CACNA1S: variants seen among roughly 807,000 people sequenced by gnomAD.
CACNA1S encodes the protein voltage-dependent L-type calcium channel subunit alpha-1S.
In CACNA1S, 126 loss-of-function variants were observed where a neutral mutation model predicts 207.4. The ratio of observed to expected loss-of-function variants is 0.61; its 90% confidence interval spans 0.53 to 0.70. CACNA1S has a LOEUF of 0.70. Ranked by LOEUF, CACNA1S falls within the 30% of genes least tolerant of loss-of-function variation. The pLI is 0.00. For synonymous variants in CACNA1S, 960 were observed against 932.7 expected (o/e 1.03, Z -0.53); for missense variants, 2,349 against 2,422.8 (o/e 0.97, Z 0.64).
chr1:201,063,820 G>C (rs1448045533), intron 22 of CACNA1S, among the ~76,000 whole-genome samples: 1 of 152,204 alleles, frequency 6.6e-6, no homozygotes, highest in African/African-American at 2.4e-5. Context: ...GGTGGTACTG[G>C]GGGTAAGCAG....
At chr1:201,084,842 G>T in intron 9 of CACNA1S, 108 bp downstream of exon 9, 1 of 819,702 alleles carries the variant, frequency 1.2e-6, no homozygotes, top group Admixed American at 1.9e-5. Flanking sequence ...CTTTCTAAAG[G>T]ATTAGACAAG....
chr1:201,081,293 C>T (rs1207111441), intron 10 of CACNA1S, among the ~76,000 whole-genome samples: 1 of 152,244 alleles, frequency 6.6e-6, no homozygotes. Context: ...TGGGTCACTT[C>T]TTTGTTTCTG....
In CACNA1S at chr1:201,069,463, G is replaced by T. The variant is rs946524924; in HGVS notation, c.2490+9C>A. 2 of 1,606,094 alleles carry T rather than the reference G, an allele frequency of 1.2e-6. No individual in the cohort carries two copies. Among genetic ancestry groups the T allele is most frequent in the Non-Finnish European group, 1.7e-6 (2 of 1,177,434 alleles). On this transcript the variant is annotated intron_variant, in intron 18 of 43. Coordinates refer to ENST00000362061, the MANE Select transcript of CACNA1S (RefSeq NM_000069.3). ...GGTGCTGAGTGGCAGAGAGGGTGAA[G>T]CCCGTCACCTGATTTCTCATGGAAT...
At chr1:201,075,056 C>T (rs1322008143) in intron 13 of CACNA1S, among the ~76,000 whole-genome samples, 4 of 152,178 alleles carry the variant, frequency 2.6e-5, no homozygotes, top group Non-Finnish European at 5.9e-5. Context: ...CTCATATCTG[C>T]TCCTCTCATC....
At chr1:201,081,018 C>T (rs1661822004) in intron 10 of CACNA1S, among the ~76,000 whole-genome samples, 1 of 152,142 alleles carries the variant, frequency 6.6e-6, no homozygotes, top group Non-Finnish European at 1.5e-5. Flanking sequence ...AGACATTTTT[C>T]CTTTCTCCCA....
chr1:201,083,251 T>TA lies in CACNA1S; in HGVS notation c.1303dup (p.Tyr435LeufsTer44). ...GGCAACGATGAGAATCACCAGCCAATAGAAGACCTTGGACTTCACGATGTC... is the reference window on the plus strand; with the variant it reads ...GGCAACGATGAGAATCACCAGCCAATAAGAAGACCTTGGACTTCACGATGTC... On this transcript the variant is annotated frameshift_variant, in exon 10 of 44. Transcript: ENST00000362061. LOFTEE classifies it high-confidence loss of function. 1.2e-6 allele frequency: 2 copies of TA among 1,614,152 alleles called. No individual in the cohort carries two copies. Among genetic ancestry groups the TA allele is most frequent in the Non-Finnish European group, 1.7e-6 (2 of 1,180,018 alleles).
rs200689828 is a variant in CACNA1S at position 201,084,988 on chromosome 1, C to T, written c.1194G>A (p.Leu398=). ...TTTTGTTCAAGCCTGCAATTTCATA[C>T]AGGCTCTCTGTGTCAGAGCCACCTT... ...LDEGGSDTES[L]YEIAGLNKII... is the part of the protein sequence containing the mutation. Residue 398 remains leucine, a synonymous_variant, in exon 9 of 44, where the codon CTG becomes CTA. Coordinates refer to ENST00000362061, the MANE Select transcript of CACNA1S (RefSeq NM_000069.3). 8 of 1,612,834 alleles carry T rather than the reference C, an allele frequency of 5.0e-6. No individual in the cohort carries two copies. Among genetic ancestry groups the T allele is most frequent in the East Asian group, 2.2e-5 (1 of 44,876 alleles).
At chr1:201,062,180 A>G in intron 23 of CACNA1S, 90 bp from the exon 24 acceptor site, 1 of 1,493,768 alleles carries the variant, frequency 6.7e-7, no homozygotes, top group Non-Finnish European at 9.2e-7. Context: ...GGGAGTGTGA[A>G]GGAGAAATGA....
Position 201,066,662 on chromosome 1 carries a change from C to T in CACNA1S, c.2657+225G>A, listed in dbSNP as rs962778584. Reference sequence around the variant, plus strand: ...GGAGGGAGGGACCACTTCCTCCTCTCTGCATCTCCTGCCAGTCTCTAGAAC... The same window carrying T: ...GGAGGGAGGGACCACTTCCTCCTCTTTGCATCTCCTGCCAGTCTCTAGAAC... On this transcript the variant is annotated intron_variant, in intron 20 of 43. Transcript: ENST00000362061. This position sits in a 1 kb window ranked among gnomAD's most constrained non-coding sequence, Gnocchi z 4.3. Among the ~76,000 whole-genome samples the T allele has an allele frequency of 6.6e-6, 1 of 152,204 alleles. No individual in the cohort carries two copies. Among genetic ancestry groups the T allele is most frequent in the African/African-American group, 2.4e-5 (1 of 41,452 alleles).
In CACNA1S at chr1:201,089,356, G is replaced by A. The variant is rs749517573; in HGVS notation, c.802C>T (p.Pro268Ser). 7 of 1,614,236 alleles carry A rather than the reference G, an allele frequency of 4.3e-6. No individual in the cohort carries two copies. In the South Asian group the frequency reaches 4.4e-5, roughly 10 times the overall value. Reference sequence around the variant, plus strand: ...TCGAAGTGGGTGATGCCATGGTTGGGCCCTGGCCAGCCGCCCCGGCACTCA... The same window carrying A: ...TCGAAGTGGGTGATGCCATGGTTGGACCCTGGCCAGCCGCCCCGGCACTCA... ...GSECRGGWPG[P>S]NHGITHFDNF... is the part of the protein sequence containing the mutation. The change falls in exon 6 of 44, where the codon CCC (proline) becomes TCC (serine). Residue 268 changes from proline (P) to serine (S), a missense_variant. Transcript: ENST00000362061.
At chr1:201,058,360 A>T in intron 28 of CACNA1S, 48 bp downstream of exon 28, 1 of 1,495,104 alleles carries the variant, frequency 6.7e-7, no homozygotes, top group Non-Finnish European at 9.3e-7. Flanking sequence ...GATTGAACAC[A>T]TGCTCTTGGG....
intron 26 of CACNA1S, among the ~76,000 whole-genome samples, chr1:201,060,304 G>C (rs955825636): frequency 6.6e-6 from 1 of 152,012 alleles, no homozygotes; most frequent in African/African-American, 2.4e-5. Context: ...CATTTTTCTT[G>C]GGACCAGAGC....
chr1:201,083,370 C>T (rs1464459368), intron 9 of CACNA1S, 48 bp from the exon 10 acceptor site: 3 of 1,594,874 alleles, frequency 1.9e-6, no homozygotes, highest in Non-Finnish European at 2.6e-6. Context: ...CTGTTCTACG[C>T]CCCACCTGTC....
intron 2 of CACNA1S, among the ~76,000 whole-genome samples, chr1:201,107,119 G>A (rs1662923310): frequency 6.6e-6 from 1 of 152,250 alleles, no homozygotes; most frequent in Admixed American, 6.5e-5. Flanking sequence ...AGCTTGAGGT[G>A]CATGTGCCAT....
intron 3 of CACNA1S, among the ~76,000 whole-genome samples, chr1:201,092,351 GT>G (rs939663966): frequency 6.6e-6 from 1 of 152,178 alleles, no homozygotes; most frequent in African/African-American, 2.4e-5. Context: ...TGCTCCACTT[GT>G]GAGGTCTACT....
At chr1:201,073,457 A>G in intron 15 of CACNA1S, 92 bp downstream of exon 15, 1 of 1,065,324 alleles carries the variant, frequency 9.4e-7, no homozygotes, top group Non-Finnish European at 1.5e-6. Flanking sequence ...CTACCTCCCC[A>G]CCCTACCCCA....
At chr1:201,081,877 T>C (rs1318223520) in intron 10 of CACNA1S, among the ~76,000 whole-genome samples, 1 of 152,208 alleles carries the variant, frequency 6.6e-6, no homozygotes, top group African/African-American at 2.4e-5. Context: ...CCATGTGACA[T>C]GCCTGCCCTC....
At chr1:201,078,839 T>C (rs1405932942) in intron 10 of CACNA1S, among the ~76,000 whole-genome samples, 1 of 152,120 alleles carries the variant, frequency 6.6e-6, no homozygotes, top group Non-Finnish European at 1.5e-5. Flanking sequence ...AGCCAAAGTC[T>C]AGGCCGAGCG....
rs1367219776 is a variant in CACNA1S at position 201,066,406 on chromosome 1, A to T, written c.2658-90T>A. On this transcript the variant is annotated intron_variant, in intron 20 of 43. Coordinates refer to ENST00000362061, the MANE Select transcript of CACNA1S (RefSeq NM_000069.3). This position sits in a 1 kb window ranked among gnomAD's most constrained non-coding sequence, Gnocchi z 4.3. ...AGCCTCCAGCCATATCCTGCCCTCC[A>T]CACCAGCTGCCTTTCTGCCTGAAAA... is the stretch of plus-strand genomic sequence containing the variant. The T allele has an allele frequency of 9.1e-7, 1 of 1,099,218 alleles. No homozygotes were observed. The highest frequency in any genetic ancestry group is 1.5e-5 in the African/African-American group (1 of 64,846). 68.1% of individuals were successfully genotyped at this position (1,099,218 alleles called of 1,614,324 possible).
Sources: allele counts gnomAD v4.1 joint callset (sites outside exome capture counted in the v4.1 genomes callset), GRCh38; gene constraint gnomAD v4.1.1; non-coding constraint Gnocchi (gnomAD v3.1); transcripts MANE v1.5; gene names NCBI Gene and HGNC (gene_info 2026-07-23, HGNC 2026-07-21).